Variants in FRMD4A observed in about 807,000 individuals in gnomAD.
FRMD4A encodes FERM domain containing 4A, also known as FERM domain-containing protein 4A.
FRMD4A carries 29 observed loss-of-function variants against 129.1 expected under a neutral mutation model. The observed-to-expected ratio is 0.22, with a 90% CI of 0.17 to 0.31. The LOEUF is 0.31. FRMD4A is among the 10% of genes least tolerant of loss of function. The pLI is 1.00. For synonymous variants in FRMD4A, 634 were observed against 571.6 expected, an observed-to-expected ratio of 1.11 and a Z score of -1.56; for missense variants, 1,272 against 1,375.8, an observed-to-expected ratio of 0.92 and a Z score of 1.19.
chr10:14,300,797 G>A (rs985697297), intron 2 of FRMD4A, among the ~76,000 whole-genome samples: 7 of 152,208 alleles, frequency 4.6e-5, no homozygotes, highest in Admixed American at 3.9e-4. Flanking sequence ...GGTCGGAGGG[G>A]AGGTGTTATG....
intron 4 of FRMD4A, among the ~76,000 whole-genome samples, chr10:13,796,960 T>A (rs1289855798): frequency 6.6e-6 from 1 of 152,180 alleles, no homozygotes; most frequent in Non-Finnish European, 1.5e-5. Flanking sequence ...CCTCAGGTGA[T>A]CCGCCCACCT....
chr10:14,050,044 C>G (rs1834186454), intron 2 of FRMD4A, among the ~76,000 whole-genome samples: 2 of 152,230 alleles, frequency 1.3e-5, no homozygotes, highest in South Asian at 4.1e-4. Flanking sequence ...GGCACCATCA[C>G]TTACACACTG....
chr10:13,687,370 A>G (rs1189022915), intron 15 of FRMD4A, among the ~76,000 whole-genome samples: 1 of 152,222 alleles, frequency 6.6e-6, no homozygotes, highest in African/African-American at 2.4e-5. Flanking sequence ...AACAAATCTC[A>G]GGCTCTGTCT....
Position 14,226,055 on chromosome 10 carries a change from G to A in FRMD4A, c.45+104003C>T, listed in dbSNP as rs377575277. On this transcript the variant is annotated intron_variant, in intron 2 of 24. Coordinates refer to ENST00000357447, the MANE Select transcript of FRMD4A (RefSeq NM_018027.5). ...TTCATCTATTTGAGATTTGAAGTAA[G>A]TGTCCAACATCAAAGTTACAGTAAC... 3.3e-5 allele frequency among the ~76,000 whole-genome samples: 5 copies of A among 152,236 alleles called. No individual in the cohort carries two copies. In the South Asian group the frequency reaches 1.0e-3, roughly 32 times the overall value.
At chr10:14,024,706 T>G (rs1460678335) in intron 2 of FRMD4A, among the ~76,000 whole-genome samples, 1 of 152,258 alleles carries the variant, frequency 6.6e-6, no homozygotes, top group Non-Finnish European at 1.5e-5. Flanking sequence ...CTGCAGCCAC[T>G]GCCTTCCCTG....
intron 2 of FRMD4A, among the ~76,000 whole-genome samples, chr10:14,016,691 C>T (rs895351107): frequency 5.3e-5 from 8 of 152,054 alleles, no homozygotes; most frequent in Admixed American, 1.3e-4. Context: ...AAATGAAAAT[C>T]ACACATGACA....
At chr10:13,792,778 GCCC>G (rs945250790) in intron 5 of FRMD4A, among the ~76,000 whole-genome samples, 7 of 152,170 alleles carry the variant, frequency 4.6e-5, no homozygotes, top group Admixed American at 4.6e-4. Context: ...GATGGACCAG[GCCC>G]CTCTTAGGCT....
chr10:14,205,112 T>C (rs2131946102), intron 2 of FRMD4A, among the ~76,000 whole-genome samples: 1 of 151,394 alleles, frequency 6.6e-6, no homozygotes, highest in East Asian at 1.9e-4. Context: ...ACCAAAATCT[T>C]ACCTAAAAGC....
chr10:14,039,591 C>A (rs1833699720), intron 2 of FRMD4A, among the ~76,000 whole-genome samples: 1 of 152,068 alleles, frequency 6.6e-6, no homozygotes, highest in South Asian at 2.1e-4. Context: ...GCTAAACCTG[C>A]CTTCCATTCT....
intron 12 of FRMD4A, 172 bp from the exon 13 acceptor site, chr10:13,707,285 C>T (rs1201578367): frequency 1.3e-5 from 11 of 845,272 alleles, no homozygotes; most frequent in South Asian, 8.3e-5. Context: ...CACACACACA[C>T]GCAGCTCTCC....
chr10:14,095,321 C>T (rs1836892492), intron 2 of FRMD4A, among the ~76,000 whole-genome samples: 1 of 152,184 alleles, frequency 6.6e-6, no homozygotes, highest in African/African-American at 2.4e-5. Flanking sequence ...CTGCATGGGA[C>T]TGCCTGGGTG....
chr10:14,220,039 G>A (rs1044250768), intron 2 of FRMD4A, among the ~76,000 whole-genome samples: 1 of 152,136 alleles, frequency 6.6e-6, no homozygotes, highest in African/African-American at 2.4e-5. Flanking sequence ...TTCATGCCAG[G>A]GTGTCTACTG....
intron 24 of FRMD4A, chr10:13,648,172 G>A (rs2081268431): frequency 6.6e-6 from 1 of 152,146 alleles, no homozygotes; most frequent in South Asian, 2.1e-4. Context: ...ATATACTGGT[G>A]GATTTTAATG....
At chr10:14,155,359 C>G (rs1209755261) in intron 2 of FRMD4A, among the ~76,000 whole-genome samples, 2 of 152,174 alleles carry the variant, frequency 1.3e-5, no homozygotes, top group African/African-American at 4.8e-5. Flanking sequence ...TGGAGGCCCT[C>G]TGAGAGACAG....
rs191334272 is a variant in FRMD4A at position 14,150,876 on chromosome 10, G to C, written c.45+179182C>G. 2.0e-5 allele frequency among the ~76,000 whole-genome samples: 3 copies of C among 152,288 alleles called. No homozygotes were observed. The East Asian group carries it at 5.8e-4, about 29-fold the overall frequency. Reference sequence around the variant, plus strand: ...TTTAGAAATTACTCCACCAAGGCAGGTTATCAATTTCATATTCATTCATGG... The same window carrying C: ...TTTAGAAATTACTCCACCAAGGCAGCTTATCAATTTCATATTCATTCATGG... On this transcript the variant is annotated intron_variant, in intron 2 of 24. Transcript: ENST00000357447.
At chr10:14,220,129 T>C (rs944863787) in intron 2 of FRMD4A, among the ~76,000 whole-genome samples, 12 of 152,162 alleles carry the variant, frequency 7.9e-5, no homozygotes, top group Non-Finnish European at 1.8e-4. Flanking sequence ...GTTCTAGTGA[T>C]TAGCATCCAT....
intron 12 of FRMD4A, chr10:13,707,722 G>T: frequency 1.0e-6 from 1 of 985,442 alleles, no homozygotes; most frequent in Non-Finnish European, 1.2e-6. Flanking sequence ...AGATCACAGT[G>T]TGAGCCTGTC....
chr10:13,804,428 G>T lies in FRMD4A; in HGVS notation c.206+6386C>A, dbSNP rs138687077. ...GATGCCAGTCACAGTTGAAACAAAC[G>T]CGAGGACCTGAGGACAGCACAGACC... On this transcript the variant is annotated intron_variant, in intron 4 of 24. Transcript: ENST00000357447. Among the ~76,000 whole-genome samples, 530 of 152,268 alleles carry T rather than the reference G, an allele frequency of 3.5e-3. 4 individuals are homozygous for T. The highest frequency in any genetic ancestry group is 0.012 in the African/African-American group (505 of 41,550).
chr10:14,081,177 GT>G (rs1835907795), intron 2 of FRMD4A, among the ~76,000 whole-genome samples: 1 of 152,140 alleles, frequency 6.6e-6, no homozygotes, highest in South Asian at 2.1e-4. Context: ...CGGTAGTCAA[GT>G]TTTGGTCTGT....
Sources: allele counts gnomAD v4.1 joint callset (sites outside exome capture counted in the v4.1 genomes callset), GRCh38; gene constraint gnomAD v4.1.1; transcripts MANE v1.5; gene names NCBI Gene and HGNC (gene_info 2026-07-23, HGNC 2026-07-21).